The following TPD52 variants were observed in gnomAD, a reference collection of about 807,000 sequenced individuals.
TPD52 encodes tumor protein D52, also known as prostate and colon associated protein.
Under a neutral mutation model 31.3 loss-of-function variants are expected in TPD52, and 17 were observed. That is an observed-to-expected ratio of 0.54 (90% CI 0.37 to 0.82). The LOEUF (loss-of-function observed/expected upper bound fraction) is 0.82. TPD52 is among the 40% of genes least tolerant of loss of function. TPD52 has a pLI of 0.00. For missense variants in TPD52, 212 were observed against 240.1 expected (o/e 0.88, Z 0.77); for synonymous variants, 83 against 89.6 (o/e 0.93, Z 0.42).
chr8:80,072,168 C>A (rs1036695831), intron 1 of TPD52, among the ~76,000 whole-genome samples: 1 of 152,122 alleles, frequency 6.6e-6, no homozygotes. Context: ...ATTAGCTGGG[C>A]GTGGTGGCGT....
chr8:80,128,974 T>C (rs1808829414), intron 1 of TPD52, among the ~76,000 whole-genome samples: 2 of 152,062 alleles, frequency 1.3e-5, no homozygotes. Flanking sequence ...AAATATAAAT[T>C]ACAAGATTTT....
At chr8:80,111,888 A>G (rs2130983690) in intron 1 of TPD52, among the ~76,000 whole-genome samples, 1 of 152,340 alleles carries the variant, frequency 6.6e-6, no homozygotes, top group Non-Finnish European at 1.5e-5. Context: ...TACTTACATC[A>G]TAGGGTTGTT....
intron 1 of TPD52, chr8:80,158,564 C>T (rs868195713): frequency 1.3e-5 from 2 of 152,100 alleles, no homozygotes; most frequent in South Asian, 2.1e-4. Context: ...TCAGAATGGC[C>T]TATGAGCCTG....
intron 5 of TPD52, among the ~76,000 whole-genome samples, chr8:80,048,709 T>A (rs1215980791): frequency 6.6e-6 from 1 of 152,236 alleles, no homozygotes; most frequent in Non-Finnish European, 1.5e-5. Context: ...GGCCTTGAAA[T>A]TATTTTTTTA....
intron 6 of TPD52, among the ~76,000 whole-genome samples, chr8:80,043,718 G>A (rs1810583048): frequency 6.6e-6 from 1 of 152,214 alleles, no homozygotes; most frequent in East Asian, 1.9e-4. Flanking sequence ...GTTAGGTGAG[G>A]TAATATCACT....
intron 1 of TPD52, among the ~76,000 whole-genome samples, chr8:80,138,078 G>T (rs969407350): frequency 6.6e-6 from 1 of 151,986 alleles, no homozygotes; most frequent in African/African-American, 2.4e-5. Flanking sequence ...CAAGTTGCTG[G>T]GATTACAGAC....
intron 1 of TPD52, among the ~76,000 whole-genome samples, chr8:80,164,973 C>T (rs1811620699): frequency 8.6e-6 from 1 of 116,224 alleles, no homozygotes; most frequent in African/African-American, 3.2e-5. Flanking sequence ...ACTATAAAGT[C>T]AAAAAAGGTA....
intron 1 of TPD52, among the ~76,000 whole-genome samples, chr8:80,105,434 G>A (rs774599580): frequency 6.6e-6 from 1 of 152,012 alleles, no homozygotes; most frequent in African/African-American, 2.4e-5. Context: ...TCTAATTACC[G>A]GTACATGCAG....
rs142266852 is a variant in TPD52 at position 80,038,152 on chromosome 8, C to T, written c.588G>A (p.Thr196=). ...CCTGTGTCTTTTCTGGAAGAGGCTCCGTGGTGGTGGCACTAGCATTTGCAG... is the reference window on the plus strand; with the variant it reads ...CCTGTGTCTTTTCTGGAAGAGGCTCTGTGGTGGTGGCACTAGCATTTGCAG... ...NSAANASATT[T]EPLPEKTQES... Residue 196 remains threonine, a synonymous_variant, in exon 8 of 8, where the codon ACG becomes ACA. Transcript: ENST00000518937. 58 of 1,613,908 alleles carry T rather than the reference C, an allele frequency of 3.6e-5. No individual in the cohort carries two copies. Among genetic ancestry groups the T allele is most frequent in the South Asian group, 2.1e-4 (19 of 91,068 alleles).
intron 1 of TPD52, among the ~76,000 whole-genome samples, chr8:80,146,042 C>T (rs1380818060): frequency 6.6e-6 from 1 of 152,148 alleles, no homozygotes; most frequent in Non-Finnish European, 1.5e-5. Context: ...AATGCTAGGA[C>T]GTAACACCCA....
rs561049614 is a variant in TPD52 at position 80,168,810 on chromosome 8, T to C, written c.19+2615A>G. 6.8e-4 allele frequency among the ~76,000 whole-genome samples: 104 copies of C among 152,270 alleles called. 1 individual carries two copies. Among genetic ancestry groups the C allele is most frequent in the South Asian group, 2.3e-3 (11 of 4,818 alleles). On this transcript the variant is annotated intron_variant, in intron 1 of 7. Transcript: ENST00000518937. ...AGAAAGTGGGAAACAAGAGATGGAT[T>C]TGGAGGGACACAGAGGTTACTATGG...
chr8:80,095,118 C>T (rs928167628), intron 1 of TPD52, among the ~76,000 whole-genome samples: 2 of 152,024 alleles, frequency 1.3e-5, no homozygotes, highest in Non-Finnish European at 1.5e-5. Context: ...CAAGAAACCA[C>T]CAAGATGTCA....
intron 1 of TPD52, among the ~76,000 whole-genome samples, chr8:80,162,273 T>C (rs1811412656): frequency 6.6e-6 from 1 of 151,928 alleles, no homozygotes; most frequent in Non-Finnish European, 1.5e-5. Context: ...ATTTTGCTAA[T>C]AAAAATAACA....
intron 1 of TPD52, among the ~76,000 whole-genome samples, chr8:80,098,173 G>C (rs1266968581): frequency 6.6e-6 from 1 of 152,186 alleles, no homozygotes; most frequent in African/African-American, 2.4e-5. Flanking sequence ...AGCTCCGATG[G>C]AGATGTACAA....
chr8:80,157,485 A>G (rs897050682), intron 1 of TPD52, among the ~76,000 whole-genome samples: 2 of 152,188 alleles, frequency 1.3e-5, no homozygotes, highest in East Asian at 1.9e-4. Context: ...CCCCTCAACA[A>G]TGACCTGAAG....
At chr8:80,079,424 C>T (rs1419312905) in intron 1 of TPD52, among the ~76,000 whole-genome samples, 1 of 152,232 alleles carries the variant, frequency 6.6e-6, no homozygotes, top group Non-Finnish European at 1.5e-5. Flanking sequence ...TGCTGCTTCA[C>T]ACATCCCTAC....
chr8:80,120,088 ATATT>A (rs1563640633), intron 1 of TPD52, among the ~76,000 whole-genome samples: 2 of 151,622 alleles, frequency 1.3e-5, no homozygotes, highest in Non-Finnish European at 1.5e-5. Context: ...CTGAGAGAAA[ATATT>A]TATAACAGAC....
intron 1 of TPD52, among the ~76,000 whole-genome samples, chr8:80,132,296 A>G (rs891668617): frequency 6.6e-6 from 1 of 152,184 alleles, no homozygotes; most frequent in Non-Finnish European, 1.5e-5. Context: ...CCACACCAAC[A>G]TAATACAAAG....
chr8:80,108,186 C>T (rs1807262914), intron 1 of TPD52, among the ~76,000 whole-genome samples: 1 of 152,106 alleles, frequency 6.6e-6, no homozygotes, highest in South Asian at 2.1e-4. Context: ...AATCAATATT[C>T]CAAAGCAGTA....
Sources: gnomAD v4.1 joint callset for allele counts (sites outside exome capture counted in the v4.1 genomes callset) on GRCh38, gnomAD v4.1.1 for gene constraint, MANE v1.5 for transcripts, NCBI Gene and HGNC (gene_info 2026-07-23, HGNC 2026-07-21) for gene names.